EXOSC9: variants seen among roughly 807,000 people sequenced by gnomAD.
EXOSC9 encodes the protein exosome component 9, also known as exosome complex component RRP45.
Under a neutral mutation model 56.5 loss-of-function variants are expected in EXOSC9, and 38 were observed. That is an observed-to-expected ratio of 0.67 (90% CI 0.52 to 0.88). EXOSC9 has a LOEUF of 0.88. Ranked by LOEUF, EXOSC9 falls within the 40% of genes least tolerant of loss-of-function variation. The probability of loss-of-function intolerance (pLI) is 0.00; values close to 1 mark genes in which losing one functional copy is unlikely to be tolerated. For synonymous variants in EXOSC9, 170 were observed against 170.8 expected (o/e 0.99, Z 0.04); for missense variants, 559 against 530.5 (o/e 1.05, Z -0.53).
At chr4:121,810,331 C>T (rs895577542) in intron 7 of EXOSC9, among the ~76,000 whole-genome samples, 17 of 151,682 alleles carry the variant, frequency 1.1e-4, no homozygotes, top group Admixed American at 5.3e-4. Flanking sequence ...GAGTCTGACC[C>T]TTCCACCTAG....
At chr4:121,815,778 C>T (rs1724473649) in intron 10 of EXOSC9, 2 of 1,002,678 alleles carry the variant, frequency 2.0e-6, no homozygotes. Flanking sequence ...TAGAGTAGCA[C>T]AAACAATTCA....
chr4:121,807,593 T>A lies in EXOSC9; in HGVS notation c.576T>A (p.Ile192=). The A allele has an allele frequency of 3.7e-6, 6 of 1,613,618 alleles. No homozygotes were observed. The highest frequency in any genetic ancestry group is 5.1e-6 in the Non-Finnish European group (6 of 1,179,552). ...CATTAAGTATCCACCACATGCCCAT[T>A]TGTGTCAGTTTTGCCTTTTTCCAGC... is the stretch of plus-strand genomic sequence containing the variant. The part of the protein sequence containing the change: ...PVPLSIHHMP[I]CVSFAFFQQG... Residue 192 remains isoleucine, a synonymous_variant, in exon 6 of 12, where the codon ATT becomes ATA. Transcript: ENST00000243498.
intron 2 of EXOSC9, among the ~76,000 whole-genome samples, chr4:121,802,181 A>G (rs1259833766): frequency 1.3e-5 from 2 of 152,184 alleles, no homozygotes; most frequent in Non-Finnish European, 2.9e-5. Flanking sequence ...TAGTGATCAT[A>G]TGGAATTTGT....
At chr4:121,816,061 G>C (rs183616634) in intron 10 of EXOSC9, 2 of 801,126 alleles carry the variant, frequency 2.5e-6, no homozygotes, top group Non-Finnish European at 3.6e-6. Flanking sequence ...GGGTTCAAGC[G>C]ATTCTCATGC....
intron 5 of EXOSC9, 33 bp downstream of exon 5, chr4:121,804,792 T>G (rs1484868607): frequency 6.5e-7 from 1 of 1,527,060 alleles, no homozygotes; most frequent in Non-Finnish European, 8.9e-7. Context: ...ATCCTTGATA[T>G]GAATGAATGA....
Position 121,807,532 on chromosome 4 carries a change from T to G in EXOSC9, c.523-8T>G. On this transcript the variant is annotated splice_region_variant and splice_polypyrimidine_tract_variant and intron_variant, in intron 5 of 11. Coordinates refer to ENST00000243498, the MANE Select transcript of EXOSC9 (RefSeq NM_005033.3). ...ACTATAATTATTAAACATTTTCTTTTGAAACAGTATACACCTGAAGAGCGT... is the reference window on the plus strand; with the variant it reads ...ACTATAATTATTAAACATTTTCTTTGGAAACAGTATACACCTGAAGAGCGT... 6.4e-7 allele frequency: 1 copy of G among 1,560,730 alleles called. No individual in the cohort carries two copies. Among genetic ancestry groups the G allele is most frequent in the South Asian group, 1.2e-5 (1 of 85,914 alleles).
chr4:121,810,771 G>A (rs1727188947), intron 7 of EXOSC9, among the ~76,000 whole-genome samples: 1 of 152,190 alleles, frequency 6.6e-6, no homozygotes. Context: ...GGCTGAGGTG[G>A]GAGGATTGCT....
intron 11 of EXOSC9, 57 bp downstream of exon 11, chr4:121,816,504 T>C: frequency 8.6e-7 from 1 of 1,166,106 alleles, no homozygotes; most frequent in African/African-American, 1.6e-5. Context: ...TTATAGAGGT[T>C]TGCTCTCTGG....
intron 8 of EXOSC9, among the ~76,000 whole-genome samples, chr4:121,812,847 C>A (rs1329131560): frequency 1.3e-5 from 2 of 151,950 alleles, no homozygotes; most frequent in African/African-American, 2.4e-5. Context: ...AATCTAGTAA[C>A]TCAAATTAAT....
chr4:121,801,440 C>T lies in EXOSC9; in HGVS notation c.16C>T (p.Leu6Phe). 1.2e-6 allele frequency: 2 copies of T among 1,614,192 alleles called. No individual in the cohort carries two copies. Among genetic ancestry groups the T allele is most frequent in the Non-Finnish European group, 8.5e-7 (1 of 1,180,002 alleles). The part of the protein sequence containing the change: MKETP[L>F]SNCERRFLLR... ...ACCCAACACCATGAAGGAAACGCCA[C>T]TCTCAAACTGCGAACGCCGCTTCCT... Residue 6 changes from leucine (L) to phenylalanine (F), a missense_variant, in exon 1 of 12, where the codon CTC becomes TTC. Transcript: ENST00000243498.
intron 7 of EXOSC9, among the ~76,000 whole-genome samples, chr4:121,811,080 G>A (rs1034362656): frequency 1.3e-5 from 2 of 152,158 alleles, no homozygotes; most frequent in African/African-American, 4.8e-5. Flanking sequence ...CATACTAGCT[G>A]ATCTTGGGCA....
chr4:121,808,043 G>A (rs1727076956), intron 6 of EXOSC9, among the ~76,000 whole-genome samples: 1 of 152,062 alleles, frequency 6.6e-6, no homozygotes, highest in South Asian at 2.1e-4. Flanking sequence ...GTTACAAGGG[G>A]GGATGGTTCA....
Position 121,801,414 on chromosome 4 carries a change from G to T in EXOSC9, c.-11G>T. 1.2e-6 allele frequency: 2 copies of T among 1,613,646 alleles called. No individual in the cohort carries two copies. The highest frequency in any genetic ancestry group is 1.7e-6 in the Non-Finnish European group (2 of 1,179,578). On this transcript the variant is annotated 5_prime_UTR_variant, in exon 1 of 12. Coordinates refer to ENST00000243498, the MANE Select transcript of EXOSC9 (RefSeq NM_005033.3). Reference sequence around the variant, plus strand: ...GGATTCTGGTGCCTGTGGGGCCGGTGACCCAACACCATGAAGGAAACGCCA... The same window carrying T: ...GGATTCTGGTGCCTGTGGGGCCGGTTACCCAACACCATGAAGGAAACGCCA...
chr4:121,814,085 A>G (rs1333694939), intron 10 of EXOSC9, 38 bp downstream of exon 10: 1 of 1,260,258 alleles, frequency 7.9e-7, no homozygotes, highest in East Asian at 2.3e-5. Context: ...TATATATTAC[A>G]TACATATAGT....
At chr4:121,811,080 G>C (rs1034362656) in intron 7 of EXOSC9, among the ~76,000 whole-genome samples, 1 of 152,158 alleles carries the variant, frequency 6.6e-6, no homozygotes, top group Non-Finnish European at 1.5e-5. Context: ...CATACTAGCT[G>C]ATCTTGGGCA....
At position 121,807,555 on chromosome 4, in the gene EXOSC9, C is replaced by T. The variant is rs202225797; in HGVS notation, c.538C>T (p.Arg180Cys). The T allele has an allele frequency of 4.3e-5, 70 of 1,609,324 alleles. No individual in the cohort carries two copies. Among genetic ancestry groups the T allele is most frequent in the South Asian group, 1.9e-4 (17 of 90,962 alleles). The change falls in exon 6 of 12, where the codon CGT becomes TGT. Residue 180 changes from arginine to cysteine, a missense_variant. Coordinates refer to ENST00000243498, the MANE Select transcript of EXOSC9 (RefSeq NM_005033.3). ...DEVTLYTPEE[R>C]DPVPLSIHHM... is the part of the protein sequence containing the mutation. ...TTTGAAACAGTATACACCTGAAGAG[C>T]GTGATCCTGTACCATTAAGTATCCA...
At chr4:121,804,216 G>C (rs747774116) in intron 4 of EXOSC9, among the ~76,000 whole-genome samples, 8 of 141,078 alleles carry the variant, frequency 5.7e-5, no homozygotes, top group Middle Eastern at 7.9e-3. Flanking sequence ...GTCTTGCTGT[G>C]TTGCTCAGGC....
chr4:121,807,477 A>G (rs1010568611), intron 5 of EXOSC9, 63 bp from the exon 6 acceptor site: 3 of 923,072 alleles, frequency 3.3e-6, no homozygotes, highest in East Asian at 2.6e-5. Flanking sequence ...GATGTGCAAG[A>G]TGATTTTTTT....
rs757312369 is a variant in EXOSC9, at chr4:121,816,783, C to G, written c.1247C>G (p.Thr416Ser). ...KNPKKIRTQT[T>S]SAKQEKAPSK... Reference sequence around the variant, plus strand: ...TGCTTTATTCACAGAACACAGACCACCAGTGCAAAACAAGAAAAAGCACCA... The same window carrying G: ...TGCTTTATTCACAGAACACAGACCAGCAGTGCAAAACAAGAAAAAGCACCA... The change falls in exon 12 of 12, where the codon ACC becomes AGC. Residue 416 changes from threonine (T) to serine (S), a missense_variant. Physicochemically the swap from Thr to Ser is moderately conservative, Grantham distance 58. Transcript: ENST00000243498. 1.9e-6 allele frequency: 3 copies of G among 1,597,174 alleles called. No homozygotes were observed. Among genetic ancestry groups the G allele is most frequent in the East Asian group, 2.2e-5 (1 of 44,550 alleles).
Sources: gnomAD v4.1 joint callset for allele counts (sites outside exome capture counted in the v4.1 genomes callset) on GRCh38, gnomAD v4.1.1 for gene constraint, MANE v1.5 for transcripts, NCBI Gene and HGNC (gene_info 2026-07-23, HGNC 2026-07-21) for gene names.